Variants in NARF observed in about 807,000 individuals in gnomAD.
NARF encodes nuclear prelamin A recognition factor.
In NARF, 41 loss-of-function variants were observed where a neutral mutation model predicts 48.0. That is an observed-to-expected ratio of 0.85 (90% CI 0.66 to 1.11). The LOEUF (loss-of-function observed/expected upper bound fraction) is 1.11, where lower values mean the gene tolerates loss of function less well. NARF is among the 50% of genes least tolerant of loss of function. NARF has a pLI of 0.00. For synonymous variants in NARF, 215 were observed against 225.5 expected (o/e 0.95, Z 0.42); for missense variants, 613 against 590.2 (o/e 1.04, Z -0.40).
chr17:82,473,631 G>A (rs8081769), intron 5 of NARF, among the ~76,000 whole-genome samples: 11,475 of 151,536 alleles, frequency 0.076, 635 homozygotes, highest in South Asian at 0.19. Context: ...GATTACAGGC[G>A]TGAGCCACTG....
chr17:82,466,570 A>T (rs2043573543), intron 3 of NARF, among the ~76,000 whole-genome samples: 1 of 151,944 alleles, frequency 6.6e-6, no homozygotes, highest in Non-Finnish European at 1.5e-5. Context: ...CTCCTACCTC[A>T]GCCTCTCAAG....
chr17:82,487,442 C>T (rs893604241), intron 10 of NARF, among the ~76,000 whole-genome samples: 13 of 149,532 alleles, frequency 8.7e-5, no homozygotes, highest in Non-Finnish European at 1.5e-4. Context: ...CGAGATTAGG[C>T]CACTGCACTC....
intron 2 of NARF, among the ~76,000 whole-genome samples, chr17:82,462,162 G>T (rs950863258): frequency 6.6e-6 from 1 of 152,198 alleles, no homozygotes; most frequent in East Asian, 1.9e-4. Flanking sequence ...CTAAGTGGGC[G>T]CCCTGCCAGG....
intron 3 of NARF, 23 bp downstream of exon 3, chr17:82,464,453 T>C (rs1044721619): frequency 5.4e-5 from 86 of 1,598,388 alleles, no homozygotes; most frequent in Non-Finnish European, 7.2e-5. Flanking sequence ...GGGCATTTGC[T>C]GATGCTGGGG....
chr17:82,483,338 C>A, intron 7 of NARF: 2 of 311,620 alleles, frequency 6.4e-6, no homozygotes, highest in Non-Finnish European at 6.4e-6. Context: ...AAAAATGCAA[C>A]CAGTGTATAT....
At chr17:82,464,180 T>G (rs1444251144) in intron 2 of NARF, 107 bp from the exon 3 acceptor site, 3 of 1,432,436 alleles carry the variant, frequency 2.1e-6, no homozygotes, top group Non-Finnish European at 2.8e-6. Context: ...ACCCTGGTAT[T>G]ATCTCCAATG....
rs1053864565 is a variant in NARF at position 82,468,014 on chromosome 17, T to G, written c.253-750T>G. Reference sequence around the variant, plus strand: ...CTTTTAGATCTGTAGTCTTGTCTCTTTTAAGACAGAGTATTGGCCAGGCTA... The same window carrying G: ...CTTTTAGATCTGTAGTCTTGTCTCTGTTAAGACAGAGTATTGGCCAGGCTA... On this transcript the variant is annotated intron_variant, in intron 3 of 10. Transcript: ENST00000309794. Among the ~76,000 whole-genome samples, 4 of 152,236 alleles carry G rather than the reference T, an allele frequency of 2.6e-5. No homozygotes were observed. The East Asian group carries it at 5.8e-4, about 22-fold the overall frequency.
chr17:82,481,326 C>T (rs1201540489), intron 7 of NARF, 115 bp downstream of exon 7: 15 of 1,492,684 alleles, frequency 1.0e-5, no homozygotes, highest in Admixed American at 7.8e-5. Context: ...CCAATGTGGT[C>T]GCTTGTCTGA....
intron 6 of NARF, among the ~76,000 whole-genome samples, chr17:82,479,478 C>T (rs1225843672): frequency 2.0e-5 from 3 of 152,202 alleles, no homozygotes; most frequent in Non-Finnish European, 4.4e-5. Flanking sequence ...CCTGCCTCGG[C>T]CCGTCGTGTT....
chr17:82,479,677 T>C (rs969761005), intron 6 of NARF, among the ~76,000 whole-genome samples: 13 of 152,248 alleles, frequency 8.5e-5, no homozygotes, highest in African/African-American at 2.7e-4. Flanking sequence ...CTGTGGTAAC[T>C]GGAGTAGAGG....
Position 82,488,108 on chromosome 17 carries a change from C to T in NARF, c.1322C>T (p.Thr441Met), listed in dbSNP as rs375691759. 6.2e-6 allele frequency: 10 copies of T among 1,613,900 alleles called. No homozygotes were observed. Among genetic ancestry groups the T allele is most frequent in the East Asian group, 2.2e-5 (1 of 44,890 alleles). The change falls in exon 11 of 11, where the codon ACG (threonine) becomes ATG (methionine). Residue 441 changes from threonine (T) to methionine (M), a missense_variant. By Grantham distance (81) the Thr-to-Met change is moderately conservative. Transcript: ENST00000309794. ...SPKAREVLHT[T>M]YQSQERGTHS... Reference sequence around the variant, plus strand: ...AAGGCCCGAGAGGTGCTGCATACCACGTACCAGAGCCAGGAGCGTGGCACA... The same window carrying T: ...AAGGCCCGAGAGGTGCTGCATACCATGTACCAGAGCCAGGAGCGTGGCACA...
intron 3 of NARF, 29 bp from the exon 4 acceptor site, chr17:82,468,735 T>TA (rs2043629143): frequency 1.2e-6 from 2 of 1,611,228 alleles, no homozygotes; most frequent in Non-Finnish European, 1.7e-6. Context: ...AATCAGCAGA[T>TA]ACCTAACATT....
intron 8 of NARF, 103 bp from the exon 9 acceptor site, chr17:82,484,710 G>A: frequency 1.4e-6 from 2 of 1,402,982 alleles, no homozygotes; most frequent in Non-Finnish European, 9.6e-7. Context: ...AGCTTCTTTG[G>A]TGGCGAACTT....
chr17:82,481,730 CAAAAA>C, intron 7 of NARF: 46 of 369,118 alleles, frequency 1.2e-4, no homozygotes, highest in East Asian at 6.0e-4. Flanking sequence ...AACTTTGTCT[CAAAAA>C]AAAAAAAAAA....
chr17:82,480,136 C>G, intron 6 of NARF: 1 of 296,192 alleles, frequency 3.4e-6, no homozygotes, highest in Non-Finnish European at 6.2e-6. Flanking sequence ...GACCTCACCA[C>G]AGGGTCACTT....
At chr17:82,472,740 A>T in intron 5 of NARF, 42 bp downstream of exon 5, 1 of 1,585,986 alleles carries the variant, frequency 6.3e-7, no homozygotes, top group Admixed American at 1.8e-5. Context: ...GAGGTGCCAA[A>T]AGAGGTTTCA....
chr17:82,469,036 TCCC>T, intron 4 of NARF, 140 bp downstream of exon 4: 2 of 929,216 alleles, frequency 2.2e-6, no homozygotes, highest in East Asian at 5.2e-5. Context: ...AAAGACCATG[TCCC>T]GTGTGTCATG....
chr17:82,480,986 G>T lies in NARF; in HGVS notation c.640-96G>T, dbSNP rs148571236. The T allele has an allele frequency of 4.2e-4, 636 of 1,510,680 alleles. 4 individuals carry two copies. The African/African-American group carries it at 7.5e-3, about 18-fold the overall frequency. The allele number at this position is 1,510,680 out of a possible 1,614,324, so 93.6% of individuals were successfully genotyped here. A position where few individuals can be genotyped will look rare whatever the true frequency, so the allele number is the denominator to read the frequency against. On this transcript the variant is annotated intron_variant, in intron 6 of 10. Coordinates refer to ENST00000309794, the MANE Select transcript of NARF (RefSeq NM_012336.4). The stretch of plus-strand genomic sequence containing the variant: ...GCAGTGTCTGGAGGGCAGCAGCAGG[G>T]GGCATTCGGTCTCCCATCCCTCTTG...
intron 3 of NARF, among the ~76,000 whole-genome samples, chr17:82,465,875 A>G (rs1567930566): frequency 6.6e-6 from 1 of 152,188 alleles, no homozygotes; most frequent in African/African-American, 2.4e-5. Flanking sequence ...CTAGATCACA[A>G]TTGCAGATAG....
Sources: allele counts gnomAD v4.1 joint callset (sites outside exome capture counted in the v4.1 genomes callset), GRCh38; gene constraint gnomAD v4.1.1; transcripts MANE v1.5; gene names NCBI Gene and HGNC (gene_info 2026-07-23, HGNC 2026-07-21).